The following CCDC125 variants were observed in gnomAD, a reference collection of about 807,000 sequenced individuals.
CCDC125 encodes the protein coiled-coil domain-containing protein 125.
CCDC125 carries 43 observed loss-of-function variants against 57.4 expected under a neutral mutation model. The ratio of observed to expected loss-of-function variants is 0.75; its 90% CI spans 0.59 to 0.97. The LOEUF is 0.97. Ranked by LOEUF, CCDC125 falls within the 50% of genes least tolerant of loss-of-function variation. CCDC125 has a pLI of 0.00. For synonymous variants in CCDC125, 187 were observed against 195.2 expected (o/e 0.96, Z 0.35); for missense variants, 563 against 595.7 (o/e 0.95, Z 0.57).
intron 6 of CCDC125, among the ~76,000 whole-genome samples, chr5:69,304,155 A>G (rs1756953956): frequency 6.6e-6 from 1 of 151,260 alleles, no homozygotes; most frequent in African/African-American, 2.4e-5. Flanking sequence ...CCCAGGCTGA[A>G]GTGCAGTGGC....
At chr5:69,295,967 T>C (rs1755247427) in intron 8 of CCDC125, among the ~76,000 whole-genome samples, 1 of 151,132 alleles carries the variant, frequency 6.6e-6, no homozygotes, top group Non-Finnish European at 1.5e-5. Flanking sequence ...CACTGCAAGC[T>C]CTGCCTCCTG....
intron 1 of CCDC125, among the ~76,000 whole-genome samples, chr5:69,330,922 C>A (rs1761336191): frequency 6.6e-6 from 1 of 152,182 alleles, no homozygotes; most frequent in South Asian, 2.1e-4. Flanking sequence ...AAGTGCAAAC[C>A]GAATGATGTC....
downstream of CCDC125, among the ~76,000 whole-genome samples, chr5:69,277,642 C>T (rs986855578): frequency 4.0e-5 from 6 of 151,794 alleles, no homozygotes; most frequent in East Asian, 5.8e-4. Flanking sequence ...TGGTGGTGGG[C>T]GCCTGTAGTC....
downstream of CCDC125, among the ~76,000 whole-genome samples, chr5:69,278,280 A>T (rs1752303488): frequency 6.6e-6 from 1 of 151,756 alleles, no homozygotes; most frequent in Non-Finnish European, 1.5e-5. Flanking sequence ...ATCTTGGCTC[A>T]CTGCAACCTC....
chr5:69,299,961 A>G, intron 8 of CCDC125, 51 bp downstream of exon 8: 1 of 1,343,392 alleles, frequency 7.4e-7, no homozygotes, highest in Non-Finnish European at 1.1e-6. Flanking sequence ...GGAGAAAGAA[A>G]GGAAAGTAGC....
At chr5:69,288,392 T>C (rs1753852369) in intron 10 of CCDC125, among the ~76,000 whole-genome samples, 1 of 152,130 alleles carries the variant, frequency 6.6e-6, no homozygotes, top group Admixed American at 6.5e-5. Flanking sequence ...TGGCCAATGA[T>C]GTAATCACCA....
rs145578313 is a variant in CCDC125 at position 69,305,266 on chromosome 5, T to C, written c.618-1337A>G. On this transcript the variant is annotated intron_variant, in intron 6 of 11. Coordinates refer to ENST00000396496, the MANE Select transcript of CCDC125 (RefSeq NM_176816.5). ...TCTCGCTCTGTCATCAAAGCTAGAG[T>C]ACAGTGGCCCAGTCTCAGGTCCCTG... Among the ~76,000 whole-genome samples the C allele has an allele frequency of 9.2e-3, 1,397 of 152,184 alleles. 13 individuals are homozygous for C. The highest frequency in any genetic ancestry group is 0.013 in the Non-Finnish European group (884 of 68,014).
At chr5:69,313,762 G>T (rs537215050) in intron 3 of CCDC125, 1 of 783,714 alleles carries the variant, frequency 1.3e-6, no homozygotes, top group Admixed American at 1.7e-5. Context: ...TCAGGCGGAA[G>T]AGCACCGCCT....
chr5:69,285,033 G>T (rs554107284), intron 11 of CCDC125, among the ~76,000 whole-genome samples: 1 of 152,124 alleles, frequency 6.6e-6, no homozygotes, highest in Admixed American at 6.6e-5. Context: ...GGAGGTGGAG[G>T]TTGCAGTGAG....
rs964779846 is a variant in CCDC125, at chr5:69,301,505, C to T, written c.701-1378G>A. Among the ~76,000 whole-genome samples the T allele has an allele frequency of 4.6e-5, 7 of 151,782 alleles. No homozygotes were observed. The East Asian group carries it at 7.8e-4, about 17-fold the overall frequency. On this transcript the variant is annotated intron_variant, in intron 7 of 11. Transcript: ENST00000396496. ...AATGTTGCACTTTGGGAGGCCAAGG[C>T]GAGCAGATCACCTGAGGTCAGGAGT...
chr5:69,303,209 G>GTTGT (rs965983005), intron 7 of CCDC125, among the ~76,000 whole-genome samples: 18 of 151,804 alleles, frequency 1.2e-4, no homozygotes, highest in African/African-American at 4.1e-4. Flanking sequence ...TGTTGTTGTT[G>GTTGT]TTGTTTGTTT....
At chr5:69,325,048 G>C (rs906897771) in intron 1 of CCDC125, among the ~76,000 whole-genome samples, 4 of 152,226 alleles carry the variant, frequency 2.6e-5, no homozygotes, top group African/African-American at 9.6e-5. Context: ...CATTAGGCTG[G>C]GTGTGGTGGT....
At chr5:69,301,266 G>A (rs1210010288) in intron 7 of CCDC125, among the ~76,000 whole-genome samples, 1 of 151,988 alleles carries the variant, frequency 6.6e-6, no homozygotes, top group African/African-American at 2.4e-5. Flanking sequence ...ATGAGCAACA[G>A]CGCCTGGCTT....
Position 69,320,505 on chromosome 5 carries a change from G to A in CCDC125, c.36C>T (p.Asp12=), listed in dbSNP as rs1213577692. ...SKVARSSSES[D]VQLWETEEDD... ...CCTCTTCTGTTTCCCAGAGCTGCAC[G>A]TCTGACTCACTTGATGATCTTGCCA... The change falls in exon 2 of 12, where the codon GAC becomes GAT. Residue 12 remains aspartate (D), a synonymous_variant. Transcript: ENST00000396496. 11 of 1,612,530 alleles carry A rather than the reference G, an allele frequency of 6.8e-6. No individual in the cohort carries two copies. Among genetic ancestry groups the A allele is most frequent in the African/African-American group, 2.7e-5 (2 of 74,806 alleles).
chr5:69,279,990 A>C (rs1017146494), downstream of CCDC125, among the ~76,000 whole-genome samples: 4 of 152,206 alleles, frequency 2.6e-5, no homozygotes, highest in South Asian at 2.1e-4. Flanking sequence ...CATGTATAAA[A>C]CCATTGGATC....
At chr5:69,311,552 T>C (rs753405134) in intron 3 of CCDC125, among the ~76,000 whole-genome samples, 1 of 152,050 alleles carries the variant, frequency 6.6e-6, no homozygotes, top group African/African-American at 2.4e-5. Context: ...CTCTGGAGGC[T>C]GAGACAGGAG....
intron 2 of CCDC125, among the ~76,000 whole-genome samples, chr5:69,318,780 A>G (rs556783945): frequency 8.9e-4 from 135 of 151,886 alleles, no homozygotes; most frequent in Non-Finnish European, 1.5e-3. Flanking sequence ...AATAAAAAAT[A>G]AAAAGAAAAG....
intron 6 of CCDC125, among the ~76,000 whole-genome samples, chr5:69,305,644 G>A (rs1392825870): frequency 2.6e-5 from 4 of 152,168 alleles, no homozygotes; most frequent in African/African-American, 7.2e-5. Flanking sequence ...ACTCTCTGGC[G>A]CCGTGCTCCT....
At chr5:69,283,792 ATTT>A (rs35950289) in intron 11 of CCDC125, among the ~76,000 whole-genome samples, 1 of 139,684 alleles carries the variant, frequency 7.2e-6, no homozygotes, top group Non-Finnish European at 1.6e-5. Context: ...CAGGCTGACA[ATTT>A]TTTTTTTTTT....
Sources: allele counts gnomAD v4.1 joint callset (sites outside exome capture counted in the v4.1 genomes callset), GRCh38; gene constraint gnomAD v4.1.1; transcripts MANE v1.5; gene names NCBI Gene and HGNC (gene_info 2026-07-23, HGNC 2026-07-21).